LRCH4: variants seen among roughly 807,000 people sequenced by gnomAD.
LRCH4 encodes the protein leucine-rich repeat and calponin homology domain-containing protein 4.
A neutral mutation model predicts 81.2 loss-of-function variants in LRCH4; 56 were observed. That is an observed-to-expected ratio of 0.69 (90% CI 0.56 to 0.86). The LOEUF (loss-of-function observed/expected upper bound fraction) is 0.86. Ranked by LOEUF, LRCH4 falls within the 40% of genes least tolerant of loss-of-function variation. The probability of loss-of-function intolerance (pLI) is 0.00; values close to 1 mark genes in which losing one functional copy is unlikely to be tolerated. For synonymous variants in LRCH4, 442 were observed against 409.7 expected (o/e 1.08, Z -0.95); for missense variants, 895 against 922.8 (o/e 0.97, Z 0.39).
At chr7:100,580,526 C>T (rs1382063540) in intron 4 of LRCH4, 1 of 151,172 alleles carries the variant, frequency 6.6e-6, no homozygotes, top group Non-Finnish European at 1.5e-5. Flanking sequence ...ATACACAACA[C>T]ATACACACAA....
Position 100,583,505 on chromosome 7 carries a change from G to A in LRCH4, c.221-1046C>T, listed in dbSNP as rs1055895927. ...CCACAGACCTGGTGAGCTTCTCCAA[G>A]GGCCCTTCTCAGGGAAGGGCAGGCC... On this transcript the variant is annotated intron_variant, in intron 1 of 17. Coordinates refer to ENST00000310300, the MANE Select transcript of LRCH4 (RefSeq NM_002319.5). The surrounding 1 kb of genome is among the most constrained non-coding windows in gnomAD (Gnocchi z 4.3). Among the ~76,000 whole-genome samples, 1 of 152,186 alleles carries A rather than the reference G, an allele frequency of 6.6e-6. No homozygotes were observed. Among genetic ancestry groups the A allele is most frequent in the African/African-American group, 2.4e-5 (1 of 41,444 alleles).
chr7:100,585,520 G>A (rs1457072633), intron 1 of LRCH4, among the ~76,000 whole-genome samples: 1 of 151,976 alleles, frequency 6.6e-6, no homozygotes, highest in Non-Finnish European at 1.5e-5. Context: ...AGTTATTAGA[G>A]GAGCTCGTGG....
In LRCH4 at chr7:100,585,069, G is replaced by T. The variant is rs185143921; in HGVS notation, c.220+812C>A. On this transcript the variant is annotated intron_variant, in intron 1 of 17. Transcript: ENST00000310300. ...TTGGACAGATCCTGCGGGTGGAGGC[G>T]TGGAAGGACAGTCTCTAGCTGGCCA... 1.5e-4 allele frequency: 39 copies of T among 261,670 alleles called. 1 individual carries two copies. The highest frequency in any genetic ancestry group is 5.4e-5 in the Non-Finnish European group (7 of 128,760). 16.2% of individuals were successfully genotyped at this position (261,670 alleles called of 1,614,324 possible).
At position 100,575,091 on chromosome 7, in the gene LRCH4, G is replaced by A. The variant is rs1801301626; in HGVS notation, c.*16C>T. The A allele has an allele frequency of 1.9e-6, 3 of 1,598,058 alleles. No homozygotes were observed. The African/African-American group carries it at 4.0e-5, about 21-fold the overall frequency. ...GAGAGGAAGGGAAAGGGGTGAGGGA[G>A]GGCCGATTTTGGGGCCTAGGAACCC... On this transcript the variant is annotated 3_prime_UTR_variant, in exon 18 of 18. Transcript: ENST00000310300. This position sits in a 1 kb window ranked among gnomAD's most constrained non-coding sequence, Gnocchi z 5.3.
chr7:100,578,036 G>A lies in LRCH4; in HGVS notation c.948+123C>T, dbSNP rs1440049715. ...AGCCAGCCCTTCCCTGGGATGCTGG[G>A]CAGAGGGAAGGAAGAGGACAGCTCC... On this transcript the variant is annotated intron_variant, in intron 7 of 17. Coordinates refer to ENST00000310300, the MANE Select transcript of LRCH4 (RefSeq NM_002319.5). This position sits in a 1 kb window ranked among gnomAD's most constrained non-coding sequence, Gnocchi z 5.7. 8 of 1,293,310 alleles carry A rather than the reference G, an allele frequency of 6.2e-6. No homozygotes were observed. In the Admixed American group the frequency reaches 1.5e-4, roughly 25 times the overall value. 80.1% of individuals were successfully genotyped at this position (1,293,310 alleles called of 1,614,324 possible). A position where few individuals can be genotyped will look rare whatever the true frequency, so the allele number is the denominator to read the frequency against.
Position 100,578,505 on chromosome 7 carries a change from G to A in LRCH4, c.742C>T (p.Leu248=), listed in dbSNP as rs765345871. The A allele has an allele frequency of 6.2e-7, 1 of 1,613,686 alleles. No homozygotes were observed. Among genetic ancestry groups the A allele is most frequent in the South Asian group, 1.1e-5 (1 of 91,002 alleles). The part of the protein sequence containing the change: ...PLQSPPAQVC[L]KGKLHIFKYL... ...TTGAAGATGTGAAGTTTCCCCTTCAGGCAGACCTGTGTGCGGGGCAGCACA... is the reference window on the plus strand; with the variant it reads ...TTGAAGATGTGAAGTTTCCCCTTCAAGCAGACCTGTGTGCGGGGCAGCACA... Residue 248 remains leucine (L), a synonymous_variant, in exon 6 of 18, where the codon CTG becomes TTG. Coordinates refer to ENST00000310300, the MANE Select transcript of LRCH4 (RefSeq NM_002319.5). The surrounding 1 kb of genome is among the most constrained non-coding windows in gnomAD (Gnocchi z 5.7).
At chr7:100,576,592 CA>C (rs1554349121) in intron 14 of LRCH4, 101 bp downstream of exon 14, 3 of 907,022 alleles carry the variant, frequency 3.3e-6, no homozygotes, top group Non-Finnish European at 1.6e-6. Context: ...CGCAAAGGTA[CA>C]AAAGGTACAA....
Position 100,581,784 on chromosome 7 carries a change from C to G in LRCH4, c.591G>C (p.Leu197=), listed in dbSNP as rs745986241. Residue 197 remains leucine (L), a synonymous_variant, in exon 4 of 18, where the codon CTG becomes CTC. Coordinates refer to ENST00000310300, the MANE Select transcript of LRCH4 (RefSeq NM_002319.5). ...GTTCTTCATTCTTCTCACCTTCGGG[C>G]AGCGTACTGAGCTGGTTCCTCCGGA... ...LNVRRNQLST[L]PEELGDLPLV... is the part of the protein sequence containing the mutation. The G allele has an allele frequency of 2.5e-6, 4 of 1,614,136 alleles. No homozygotes were observed. The African/African-American group carries it at 5.3e-5, about 22-fold the overall frequency.
rs1258805387 is a variant in LRCH4, at chr7:100,576,898, C to T, written c.1468+4G>A. The T allele has an allele frequency of 1.3e-6, 2 of 1,548,446 alleles. No individual in the cohort carries two copies. Among genetic ancestry groups the T allele is most frequent in the South Asian group, 1.2e-5 (1 of 84,694 alleles). ...CCATCCTCCTCCCAAAATCCCTGTC[C>T]CACCTGGTCCAGCTATGGGAAGGGG... On this transcript the variant is annotated splice_donor_region_variant and intron_variant, in intron 13 of 17. Coordinates refer to ENST00000310300, the MANE Select transcript of LRCH4 (RefSeq NM_002319.5).
In LRCH4 at chr7:100,578,127, C is replaced by T. The variant is rs774154050; in HGVS notation, c.948+32G>A. The T allele has an allele frequency of 1.2e-5, 20 of 1,600,530 alleles. No individual in the cohort carries two copies. The East Asian group carries it at 2.7e-4, about 21-fold the overall frequency. On this transcript the variant is annotated intron_variant, in intron 7 of 17. Transcript: ENST00000310300. This position sits in a 1 kb window ranked among gnomAD's most constrained non-coding sequence, Gnocchi z 5.7. The stretch of plus-strand genomic sequence containing the variant: ...CAGAGGTGCTCTCCCAGGGCTGACA[C>T]CCTCAATCACCCATGGACAGGACGC...
chr7:100,584,934 C>A, intron 1 of LRCH4: 2 of 375,062 alleles, frequency 5.3e-6, no homozygotes, highest in South Asian at 3.9e-5. Context: ...CCCCCAGCTG[C>A]CGGCCCAAGG....
chr7:100,575,642 A>T lies in LRCH4; in HGVS notation c.1854+63T>A. ...CATCCGCTGCAAATGGAAGCCCACC[A>T]TCCATGCCACATGCTCGGCTGAGTC... is the stretch of plus-strand genomic sequence containing the variant. On this transcript the variant is annotated intron_variant, in intron 17 of 17. Coordinates refer to ENST00000310300, the MANE Select transcript of LRCH4 (RefSeq NM_002319.5). This position sits in a 1 kb window ranked among gnomAD's most constrained non-coding sequence, Gnocchi z 5.3. The T allele has an allele frequency of 6.4e-7, 1 of 1,573,796 alleles. No homozygotes were observed. The highest frequency in any genetic ancestry group is 8.7e-7 in the Non-Finnish European group (1 of 1,143,220).
Position 100,575,643 on chromosome 7 carries a change from T to C in LRCH4, c.1854+62A>G, listed in dbSNP as rs961976325. 7.0e-6 allele frequency: 11 copies of C among 1,579,868 alleles called. No individual in the cohort carries two copies. Among genetic ancestry groups the C allele is most frequent in the African/African-American group, 4.0e-5 (3 of 74,184 alleles). On this transcript the variant is annotated intron_variant, in intron 17 of 17. Coordinates refer to ENST00000310300, the MANE Select transcript of LRCH4 (RefSeq NM_002319.5). The surrounding 1 kb of genome is among the most constrained non-coding windows in gnomAD (Gnocchi z 5.3). ...ATCCGCTGCAAATGGAAGCCCACCA[T>C]CCATGCCACATGCTCGGCTGAGTCC... is the stretch of plus-strand genomic sequence containing the variant.
Position 100,586,032 on chromosome 7 carries a change from G to T in LRCH4, c.69C>A (p.Pro23=). Residue 23 remains proline (P), a synonymous_variant, in exon 1 of 18, where the codon CCC becomes CCA. Transcript: ENST00000310300. ...GTCTCCCCGGCAGACCTGGAGACCC[G>T]GGCACGGAGGTCGTGGCTGCCGCCT... ...GEEAAATTSV[P]GSPGLPGRRS... The T allele has an allele frequency of 6.3e-7, 1 of 1,598,686 alleles. No homozygotes were observed. Among genetic ancestry groups the T allele is most frequent in the Non-Finnish European group, 8.5e-7 (1 of 1,173,066 alleles).
In LRCH4 at chr7:100,583,871, T is replaced by C. The variant is rs1801635903; in HGVS notation, c.221-1412A>G. ...GGTGGAGACCGAGTTCTCAGAGTTC[T>C]GATGGGGTAGGCGGTGGCGGGGACA... is the stretch of plus-strand genomic sequence containing the variant. On this transcript the variant is annotated intron_variant, in intron 1 of 17. Coordinates refer to ENST00000310300, the MANE Select transcript of LRCH4 (RefSeq NM_002319.5). This position sits in a 1 kb window ranked among gnomAD's most constrained non-coding sequence, Gnocchi z 4.3. 6.8e-6 allele frequency: 2 copies of C among 294,694 alleles called. No individual in the cohort carries two copies. Among genetic ancestry groups the C allele is most frequent in the Non-Finnish European group, 1.4e-5 (2 of 145,046 alleles). The allele number at this position is 294,694 out of a possible 1,614,324, so 18.3% of individuals were successfully genotyped here. A position where few individuals can be genotyped will look rare whatever the true frequency, so the allele number is the denominator to read the frequency against.
At position 100,578,274 on chromosome 7, in the gene LRCH4, C is replaced by G. The variant is rs200559720; in HGVS notation, c.849-16G>C. ...CTCTGCAGGGCTGGGGCCAGCCAGG[C>G]GGATCTGGTCAGCCTGATGCTGGAC... On this transcript the variant is annotated splice_polypyrimidine_tract_variant and intron_variant, in intron 6 of 17. Coordinates refer to ENST00000310300, the MANE Select transcript of LRCH4 (RefSeq NM_002319.5). The surrounding 1 kb of genome is among the most constrained non-coding windows in gnomAD (Gnocchi z 5.7). 3 of 1,611,692 alleles carry G rather than the reference C, an allele frequency of 1.9e-6. No homozygotes were observed. Among genetic ancestry groups the G allele is most frequent in the Non-Finnish European group, 2.5e-6 (3 of 1,177,788 alleles).
intron 1 of LRCH4, chr7:100,584,215 ATG>A (rs1169695798): frequency 2.2e-6 from 1 of 456,380 alleles, no homozygotes; most frequent in Non-Finnish European, 4.4e-6. Context: ...GGGCAACTGT[ATG>A]TTTTTGTCAC....
In LRCH4 at chr7:100,578,274, C is replaced by T. The variant is rs200559720; in HGVS notation, c.849-16G>A. 3.4e-5 allele frequency: 54 copies of T among 1,611,690 alleles called. No homozygotes were observed. The highest frequency in any genetic ancestry group is 1.1e-4 in the East Asian group (5 of 44,868). The stretch of plus-strand genomic sequence containing the variant: ...CTCTGCAGGGCTGGGGCCAGCCAGG[C>T]GGATCTGGTCAGCCTGATGCTGGAC... On this transcript the variant is annotated splice_polypyrimidine_tract_variant and intron_variant, in intron 6 of 17. Transcript: ENST00000310300. The surrounding 1 kb of genome is among the most constrained non-coding windows in gnomAD (Gnocchi z 5.7).
chr7:100,581,692 G>A (rs565820083), intron 4 of LRCH4, 85 bp downstream of exon 4: 12 of 1,106,232 alleles, frequency 1.1e-5, no homozygotes, highest in East Asian at 7.2e-5. Context: ...TAAGCTACCC[G>A]GTCTGCAGTG....
Sources: allele counts gnomAD v4.1 joint callset (sites outside exome capture counted in the v4.1 genomes callset), GRCh38; gene constraint gnomAD v4.1.1; non-coding constraint Gnocchi (gnomAD v3.1); transcripts MANE v1.5; gene names NCBI Gene and HGNC (gene_info 2026-07-23, HGNC 2026-07-21).